Variants in ARHGAP24 observed in about 807,000 individuals in gnomAD.
ARHGAP24 encodes the protein Rho GTPase activating protein 24, also known as rho GTPase-activating protein 24.
In ARHGAP24, 50 loss-of-function variants were observed where a neutral mutation model predicts 76.4. The observed-to-expected ratio is 0.65, with a 90% CI of 0.52 to 0.83. The LOEUF (loss-of-function observed/expected upper bound fraction) is 0.83. Ranked by LOEUF, ARHGAP24 falls within the 40% of genes least tolerant of loss-of-function variation. The pLI is 0.00. For missense variants in ARHGAP24, 930 were observed against 914.2 expected, an observed-to-expected ratio of 1.02 and a Z score of -0.22; for synonymous variants, 345 against 323.3, an observed-to-expected ratio of 1.07 and a Z score of -0.72.
chr4:85,564,414 G>GA (rs1553914897), intron 1 of ARHGAP24, among the ~76,000 whole-genome samples: 2 of 148,704 alleles, frequency 1.3e-5, no homozygotes, highest in Non-Finnish European at 3.0e-5. Flanking sequence ...GAGCGGGGGG[G>GA]ATAGCATTAG....
At chr4:85,975,029 T>C in intron 7 of ARHGAP24, 68 bp downstream of exon 7, 2 of 1,399,536 alleles carry the variant, frequency 1.4e-6, no homozygotes, top group East Asian at 4.6e-5. Flanking sequence ...AATTTGTGTT[T>C]GACAACGAAT....
intron 3 of ARHGAP24, among the ~76,000 whole-genome samples, chr4:85,815,518 C>G (rs549206296): frequency 2.0e-5 from 3 of 152,216 alleles, no homozygotes; most frequent in Non-Finnish European, 4.4e-5. Context: ...ACACCAGTCT[C>G]TTTGCTAAAG....
chr4:85,477,466 G>T (rs540899570), intron 1 of ARHGAP24, among the ~76,000 whole-genome samples: 1 of 152,330 alleles, frequency 6.6e-6, no homozygotes, highest in South Asian at 2.1e-4. Flanking sequence ...CTAGAACATA[G>T]ATTTAAGTGT....
At chr4:85,827,039 C>T (rs1729745023) in intron 3 of ARHGAP24, among the ~76,000 whole-genome samples, 1 of 152,116 alleles carries the variant, frequency 6.6e-6, no homozygotes, top group Non-Finnish European at 1.5e-5. Context: ...TATTTATTAA[C>T]ACGTTTGTAT....
chr4:85,497,642 T>C lies in ARHGAP24; in HGVS notation c.-21+22083T>C, dbSNP rs149935332. ...ATGGAGACCAGCCTGACCAACCTGGTAAAACCCTATTTCTACTAAAAATAC... is the reference window on the plus strand; with the variant it reads ...ATGGAGACCAGCCTGACCAACCTGGCAAAACCCTATTTCTACTAAAAATAC... On this transcript the variant is annotated intron_variant, in intron 1 of 9. Coordinates refer to ENST00000395184, the MANE Select transcript of ARHGAP24 (RefSeq NM_001025616.3). Among the ~76,000 whole-genome samples, 475 of 152,154 alleles carry C rather than the reference T, an allele frequency of 3.1e-3. 3 individuals are homozygous for C. Among genetic ancestry groups the C allele is most frequent in the African/African-American group, 0.011 (448 of 41,506 alleles).
In ARHGAP24 at chr4:86,001,847, A is replaced by AG. The variant is rs1560780561; in HGVS notation, c.*1130dup. 6.1e-6 allele frequency: 1 copy of AG among 163,074 alleles called. No homozygotes were observed. Among genetic ancestry groups the AG allele is most frequent in the African/African-American group, 2.4e-5 (1 of 41,958 alleles). 10.1% of individuals were successfully genotyped at this position (163,074 alleles called of 1,614,324 possible). On this transcript the variant is annotated 3_prime_UTR_variant, in exon 10 of 10. Transcript: ENST00000395184. Reference sequence around the variant, plus strand: ...TGGTTTGCAGCAAGAAGATAGTGGGAGGGGGCCAGGCTGCAGGAGAAGGAG... The same window carrying AG: ...TGGTTTGCAGCAAGAAGATAGTGGGAGGGGGGCCAGGCTGCAGGAGAAGGAG...
chr4:85,776,555 A>G (rs1727315720), intron 3 of ARHGAP24, among the ~76,000 whole-genome samples: 1 of 152,156 alleles, frequency 6.6e-6, no homozygotes, highest in Admixed American at 6.5e-5. Flanking sequence ...GAGCCATTCC[A>G]TGGATTTTGA....
intron 5 of ARHGAP24, among the ~76,000 whole-genome samples, chr4:85,947,631 G>A (rs1737365908): frequency 2.0e-5 from 3 of 152,124 alleles, no homozygotes; most frequent in Non-Finnish European, 4.4e-5. Flanking sequence ...GTATGCAAAC[G>A]GTCGTAGTCT....
At chr4:85,482,806 A>G (rs986925788) in intron 1 of ARHGAP24, among the ~76,000 whole-genome samples, 4 of 152,134 alleles carry the variant, frequency 2.6e-5, no homozygotes, top group Non-Finnish European at 5.9e-5. Context: ...TCTCTCTCTT[A>G]TAGATGGAAA....
intron 3 of ARHGAP24, among the ~76,000 whole-genome samples, chr4:85,848,175 A>AC (rs11435998): frequency 0.88 from 133,495 of 152,164 alleles, 59,562 homozygotes; most frequent in Non-Finnish European, 0.97. Context: ...TACATGCATG[A>AC]TTTAAATGAA....
chr4:85,735,513 A>C (rs1725575015), intron 3 of ARHGAP24, among the ~76,000 whole-genome samples: 2 of 151,926 alleles, frequency 1.3e-5, no homozygotes, highest in South Asian at 4.1e-4. Context: ...GACCCAGTTG[A>C]TTACTCCTTT....
intron 2 of ARHGAP24, among the ~76,000 whole-genome samples, chr4:85,721,279 C>T (rs1724923944): frequency 6.6e-6 from 1 of 151,812 alleles, no homozygotes; most frequent in Admixed American, 6.6e-5. Context: ...GCCTGTAATC[C>T]CAGCTACTCA....
rs560934815 is a variant in ARHGAP24, at chr4:85,853,701, C to T, written c.269-69947C>T. ...CAGCACTTTGAGAGGCCAAGGTGGG[C>T]GGATCACAAGCTCAAGAGATCAAGA... On this transcript the variant is annotated intron_variant, in intron 3 of 9. Transcript: ENST00000395184. Among the ~76,000 whole-genome samples the T allele has an allele frequency of 1.0e-3, 158 of 152,154 alleles. 1 individual carries two copies. The Middle Eastern group carries it at 0.017, about 16-fold the overall frequency.
Position 85,536,401 on chromosome 4 carries a change from AT to A in ARHGAP24, c.-20-34117del, listed in dbSNP as rs146788946. Among the ~76,000 whole-genome samples the A allele has an allele frequency of 1.8e-3, 274 of 152,090 alleles. 1 individual carries two copies. The highest frequency in any genetic ancestry group is 6.4e-3 in the African/African-American group (266 of 41,510). ...TGAATCACTTTATCACCTATAAATG[AT>A]TTTCTTTTCAGATGACTATTGGAAT... On this transcript the variant is annotated intron_variant, in intron 1 of 9. Coordinates refer to ENST00000395184, the MANE Select transcript of ARHGAP24 (RefSeq NM_001025616.3).
chr4:85,967,699 C>G (rs762878903), intron 5 of ARHGAP24, among the ~76,000 whole-genome samples: 31 of 152,164 alleles, frequency 2.0e-4, no homozygotes, highest in Admixed American at 2.0e-4. Flanking sequence ...TGTATCTTAC[C>G]TTCTGAAAAG....
chr4:85,905,478 C>T (rs576099782), intron 3 of ARHGAP24, among the ~76,000 whole-genome samples: 3 of 152,262 alleles, frequency 2.0e-5, no homozygotes, highest in East Asian at 1.9e-4. Context: ...TTTCTTCCTT[C>T]GTTCATCCCT....
intron 1 of ARHGAP24, among the ~76,000 whole-genome samples, chr4:85,523,589 C>G (rs1274053193): frequency 6.6e-6 from 1 of 152,124 alleles, no homozygotes; most frequent in Admixed American, 6.6e-5. Context: ...TTTAGTTATT[C>G]CTTTCCTTTC....
intron 2 of ARHGAP24, among the ~76,000 whole-genome samples, chr4:85,628,991 A>G (rs1490600983): frequency 6.6e-6 from 1 of 152,170 alleles, no homozygotes; most frequent in Non-Finnish European, 1.5e-5. Context: ...TGAATTTATT[A>G]TTAATAGGTA....
At chr4:85,605,079 A>G (rs1330383682) in intron 2 of ARHGAP24, among the ~76,000 whole-genome samples, 1 of 152,236 alleles carries the variant, frequency 6.6e-6, no homozygotes, top group African/African-American at 2.4e-5. Flanking sequence ...CCAAAGCTTT[A>G]GAGAGAATGT....
Sources: allele counts gnomAD v4.1 joint callset (sites outside exome capture counted in the v4.1 genomes callset), GRCh38; gene constraint gnomAD v4.1.1; transcripts MANE v1.5; gene names NCBI Gene and HGNC (gene_info 2026-07-23, HGNC 2026-07-21).